Variants in TTBK2 observed in about 807,000 individuals in gnomAD.
TTBK2 encodes the protein tau-tubulin kinase 2.
Under a neutral mutation model 110.8 loss-of-function variants are expected in TTBK2, and 28 were observed. The ratio of observed to expected loss-of-function variants is 0.25; its 90% CI spans 0.19 to 0.35. The LOEUF is 0.35. Among genes scored for constraint, TTBK2 ranks in the 10% least tolerant of loss-of-function variants. The pLI, the probability that TTBK2 is intolerant of heterozygous loss-of-function variation, is 1.00. For missense variants in TTBK2, 1,369 were observed against 1,500.3 expected (o/e 0.91, Z 1.45); for synonymous variants, 532 against 527.3 (o/e 1.01, Z -0.12).
At chr15:42,790,906 T>TG (rs1300155697) in intron 10 of TTBK2, among the ~76,000 whole-genome samples, 2 of 151,882 alleles carry the variant, frequency 1.3e-5, no homozygotes, top group African/African-American at 4.8e-5. Flanking sequence ...TGTTTTGAGA[T>TG]GGAGTCTCGC....
At chr15:42,919,307 A>T (rs2031248395) in intron 1 of TTBK2, among the ~76,000 whole-genome samples, 1 of 152,138 alleles carries the variant, frequency 6.6e-6, no homozygotes, top group Non-Finnish European at 1.5e-5. Flanking sequence ...AAATAAAGCA[A>T]GCAATACATA....
intron 9 of TTBK2, among the ~76,000 whole-genome samples, chr15:42,808,087 A>G (rs927763789): frequency 3.9e-5 from 6 of 152,208 alleles, no homozygotes; most frequent in African/African-American, 1.4e-4. Flanking sequence ...ACTTGATGTA[A>G]TTTCCCAAAA....
chr15:42,849,163 T>A (rs1893593376), intron 3 of TTBK2, among the ~76,000 whole-genome samples: 1 of 152,112 alleles, frequency 6.6e-6, no homozygotes, highest in Admixed American at 6.6e-5. Flanking sequence ...TTTTTTTTTT[T>A]ACATGTTTTT....
intron 9 of TTBK2, chr15:42,801,927 C>A: frequency 6.3e-7 from 1 of 1,584,904 alleles, no homozygotes; most frequent in Non-Finnish European, 8.6e-7. Flanking sequence ...CAAGCTCCGC[C>A]TCCAGCTTCA....
At position 42,896,817 on chromosome 15, in the gene TTBK2, A is replaced by G. The variant is rs914841521; in HGVS notation, c.-67-18133T>C. 9.2e-5 allele frequency among the ~76,000 whole-genome samples: 14 copies of G among 152,206 alleles called. No homozygotes were observed. In the East Asian group the frequency reaches 2.3e-3, roughly 25 times the overall value. On this transcript the variant is annotated intron_variant, in intron 1 of 14. Coordinates refer to ENST00000267890, the MANE Select transcript of TTBK2 (RefSeq NM_173500.4). ...CTCCAAAAAAATAAAATAAATAAAT[A>G]AAACTAAAAGATTTAACATGTAATA...
chr15:42,775,550 T>A lies in TTBK2; in HGVS notation c.1583A>T (p.Asp528Val), dbSNP rs1167844552. 2 of 1,614,088 alleles carry A rather than the reference T, an allele frequency of 1.2e-6. No individual in the cohort carries two copies. The highest frequency in any genetic ancestry group is 1.7e-5 in the Admixed American group (1 of 60,000). ...PASANTPEQA[D>V]GGGSNGFIAV... is the part of the protein sequence containing the mutation. ...TATAAATCCATTGCTGCCACCACCA[T>A]CTGCCTGCTCAGGGGTGTTGGCAGA... The change falls in exon 13 of 15, where the codon GAT becomes GTT. Residue 528 changes from aspartate to valine, a missense_variant. Asp to Val is a radical substitution (Grantham distance 152, BLOSUM62 -3). Transcript: ENST00000267890.
intron 9 of TTBK2, chr15:42,800,308 G>A (rs1051019352): frequency 4.6e-6 from 2 of 439,452 alleles, no homozygotes; most frequent in Non-Finnish European, 4.5e-6. Flanking sequence ...GATGCTTGGT[G>A]CAAGCTCCTA....
intron 4 of TTBK2, among the ~76,000 whole-genome samples, chr15:42,833,940 G>C (rs1244095048): frequency 6.6e-6 from 1 of 152,122 alleles, no homozygotes; most frequent in Admixed American, 6.5e-5. Flanking sequence ...AAACCCGGGA[G>C]GTGGAGGTTG....
chr15:42,747,265 G>C (rs1001797173), intron 14 of TTBK2, among the ~76,000 whole-genome samples: 1 of 152,002 alleles, frequency 6.6e-6, no homozygotes, highest in Non-Finnish European at 1.5e-5. Context: ...GTAGTGCCCC[G>C]GCCCTTGGGC....
chr15:42,917,572 G>A (rs2031148218), intron 1 of TTBK2, among the ~76,000 whole-genome samples: 1 of 147,834 alleles, frequency 6.8e-6, no homozygotes, highest in South Asian at 2.1e-4. Context: ...CACCAAATAT[G>A]TACGATATTT....
intron 13 of TTBK2, among the ~76,000 whole-genome samples, chr15:42,761,567 C>G (rs1252288443): frequency 7.0e-6 from 1 of 142,626 alleles, no homozygotes; most frequent in African/African-American, 2.6e-5. Flanking sequence ...TTAAGAAACT[C>G]AAACATCTCA....
At chr15:42,904,031 C>T (rs1226215298) in intron 1 of TTBK2, among the ~76,000 whole-genome samples, 1 of 152,114 alleles carries the variant, frequency 6.6e-6, no homozygotes, top group African/African-American at 2.4e-5. Context: ...GAATTGAATC[C>T]TGCCAACAAT....
intron 3 of TTBK2, 166 bp from the exon 4 acceptor site, chr15:42,840,599 C>A: frequency 1.4e-6 from 1 of 724,788 alleles, no homozygotes; most frequent in East Asian, 2.6e-5. Flanking sequence ...ACCTCTTCTC[C>A]TCCCAGGCAC....
intron 6 of TTBK2, among the ~76,000 whole-genome samples, chr15:42,818,368 C>T (rs771135404): frequency 9.2e-5 from 14 of 152,192 alleles, no homozygotes; most frequent in Non-Finnish European, 1.9e-4. Flanking sequence ...TATAACTTGT[C>T]TAAGGACACA....
At chr15:42,803,448 G>C (rs899838033) in intron 9 of TTBK2, among the ~76,000 whole-genome samples, 10 of 152,166 alleles carry the variant, frequency 6.6e-5, no homozygotes, top group Non-Finnish European at 1.2e-4. Context: ...TGGAGATTCA[G>C]AAGTGCCCCA....
rs372449271 is a variant in TTBK2 at position 42,827,944 on chromosome 15, C to G, written c.521G>C (p.Cys174Ser). Residue 174 changes from cysteine (C) to serine (S), a missense_variant, in exon 6 of 15, where the codon TGT becomes TCT. This residue lies in a region of TTBK2 where 138 missense variants were observed against 179.0 expected (regional missense o/e 0.77). Transcript: ENST00000267890. ...AAATCTTACTGGTCTGACGTCACCA[C>G]AGGAATTGGTAAATTGTCGAGCCAA... The part of the protein sequence containing the change: ...FGLARQFTNS[C>S]GDVRPPRAVA... 2.5e-6 allele frequency: 4 copies of G among 1,613,346 alleles called. No individual in the cohort carries two copies. The African/African-American group carries it at 5.3e-5, about 22-fold the overall frequency.
intron 7 of TTBK2, among the ~76,000 whole-genome samples, chr15:42,815,949 T>TAAAAATATATATATATATATTTA (rs1891955117): frequency 8.1e-5 from 3 of 37,176 alleles, no homozygotes; most frequent in African/African-American, 1.8e-4. Flanking sequence ...TATATATATT[T>TAAAAATATATATATATATATTTA]AAAAAAAAAA....
At chr15:42,810,250 G>A (rs1456468164) in intron 9 of TTBK2, among the ~76,000 whole-genome samples, 1 of 152,144 alleles carries the variant, frequency 6.6e-6, no homozygotes, top group East Asian at 1.9e-4. Flanking sequence ...TAAAGCCCTT[G>A]ACAGATGCAT....
At chr15:42,770,238 A>G (rs1345672147) in intron 13 of TTBK2, among the ~76,000 whole-genome samples, 1 of 152,096 alleles carries the variant, frequency 6.6e-6, no homozygotes, top group East Asian at 1.9e-4. Context: ...TAGAACTTAA[A>G]GTATAATAAT....
Sources: allele counts gnomAD v4.1 joint callset (sites outside exome capture counted in the v4.1 genomes callset), GRCh38; gene constraint gnomAD v4.1.1; regional missense constraint gnomAD v4.1.1; transcripts MANE v1.5; gene names NCBI Gene and HGNC (gene_info 2026-07-23, HGNC 2026-07-21).